TMEM126B: variants seen among roughly 807,000 people sequenced by gnomAD.
TMEM126B encodes transmembrane protein 126B, also known as complex I assembly factor TMEM126B, mitochondrial.
In TMEM126B, 19 loss-of-function variants were observed where a neutral mutation model predicts 16.5. That is an observed-to-expected ratio of 1.15 (90% CI 0.80 to 1.69). TMEM126B has a LOEUF of 1.69. Among genes scored for constraint, TMEM126B ranks in the 40% most tolerant of loss-of-function variants. The pLI is 0.00. For synonymous variants in TMEM126B, 104 were observed against 93.2 expected (o/e 1.12, Z -0.67); for missense variants, 293 against 278.7 (o/e 1.05, Z -0.37).
At chr11:85,631,366 T>C in intron 1 of TMEM126B, 5 of 1,161,130 alleles carry the variant, frequency 4.3e-6, no homozygotes, top group Non-Finnish European at 5.4e-6. Flanking sequence ...CTTTCAGACC[T>C]TCAGTTTGCT....
intron 3 of TMEM126B, among the ~76,000 whole-genome samples, chr11:85,635,276 G>C (rs377092800): frequency 1.3e-5 from 2 of 152,224 alleles, no homozygotes; most frequent in South Asian, 2.1e-4. Context: ...GTTGAGCATG[G>C]TGGTGCAAGC....
rs894254396 is a variant in TMEM126B at position 85,628,726 on chromosome 11, TGCACCTTCAAA to T, written c.81+40_81+50del. 26 of 1,514,680 alleles carry T rather than the reference TGCACCTTCAAA, an allele frequency of 1.7e-5. No homozygotes were observed. In the East Asian group the frequency reaches 6.1e-4, roughly 36 times the overall value. 93.8% of individuals were successfully genotyped at this position (1,514,680 alleles called of 1,614,324 possible). A position where few individuals can be genotyped will look rare whatever the true frequency, so the allele number is the denominator to read the frequency against. On this transcript the variant is annotated intron_variant, in intron 1 of 4. Transcript: ENST00000358867. ...CCGAAGTGGTATGGGGGGTGATTTC[TGCACCTTCAAA>T]GTGTTGGCAGACTCTTCTAAGATGA...
At chr11:85,628,783 AAAGTT>A in intron 1 of TMEM126B, 95 bp downstream of exon 1, 2 of 1,318,090 alleles carry the variant, frequency 1.5e-6, no homozygotes, top group Non-Finnish European at 2.1e-6. Context: ...GGAGATTTGA[AAAGTT>A]AAAACAGCTC....
intron 1 of TMEM126B, 76 bp downstream of exon 1, chr11:85,628,764 AC>A: frequency 7.2e-7 from 1 of 1,391,080 alleles, no homozygotes; most frequent in South Asian, 1.2e-5. Context: ...CTAAGATGAT[AC>A]CTTTAAAGGA....
chr11:85,629,663 G>T lies in TMEM126B; in HGVS notation c.81+975G>T, dbSNP rs631392. ...TGGAGGATTTCAATGAATTGGATGA[G>T]AGCAAAACAAAAATTTATCTATGGT... On this transcript the variant is annotated intron_variant, in intron 1 of 4. Coordinates refer to ENST00000358867, the MANE Select transcript of TMEM126B (RefSeq NM_018480.7). Among the ~76,000 whole-genome samples the T allele has an allele frequency of 1.3e-3, 191 of 152,120 alleles. 3 individuals carry two copies. The highest frequency in any genetic ancestry group is 1.6e-3 in the Admixed American group (25 of 15,272).
At chr11:85,632,128 T>C (rs780445501) in intron 2 of TMEM126B, among the ~76,000 whole-genome samples, 3 of 152,248 alleles carry the variant, frequency 2.0e-5, no homozygotes, top group Admixed American at 2.0e-4. Flanking sequence ...GGGGGGTACT[T>C]ATATTTAATT....
At chr11:85,634,319 A>G in intron 3 of TMEM126B, 40 bp downstream of exon 3, 1 of 1,449,576 alleles carries the variant, frequency 6.9e-7, no homozygotes, top group Non-Finnish European at 9.5e-7. Context: ...AGTTATGTCT[A>G]AGTAAAGTTA....
chr11:85,628,622 G>C lies in TMEM126B; in HGVS notation c.15G>C (p.Gly5=), dbSNP rs369963998. 4.6e-6 allele frequency: 7 copies of C among 1,536,020 alleles called. No homozygotes were observed. In the Admixed American group the frequency reaches 9.8e-5, roughly 22 times the overall value. Residue 5 remains glycine (G), a synonymous_variant, in exon 1 of 5, where the codon GGG becomes GGC. Coordinates refer to ENST00000358867, the MANE Select transcript of TMEM126B (RefSeq NM_018480.7). MVVF[G]YEAGTKPRDS... The stretch of plus-strand genomic sequence containing the variant: ...GAGCCACCAAAATGGTGGTGTTCGG[G>C]TATGAGGCTGGGACTAAGCCAAGGG...
At chr11:85,631,198 T>C (rs1332103481) in intron 1 of TMEM126B, 18 of 1,290,262 alleles carry the variant, frequency 1.4e-5, no homozygotes, top group Non-Finnish European at 1.7e-5. Flanking sequence ...AAACTGAGGA[T>C]AGAGATGTCA....
chr11:85,632,794 A>AT (rs200770788), intron 2 of TMEM126B, among the ~76,000 whole-genome samples: 30 of 150,710 alleles, frequency 2.0e-4, no homozygotes, highest in Admixed American at 4.0e-4. Flanking sequence ...ATTCCCTTTT[A>AT]TTTTTTTTTA....
chr11:85,632,652 A>G (rs2082323952), intron 2 of TMEM126B, among the ~76,000 whole-genome samples: 1 of 152,010 alleles, frequency 6.6e-6, no homozygotes, highest in African/African-American at 2.4e-5. Flanking sequence ...TTATTGAAGT[A>G]TAATTTATAT....
At chr11:85,635,470 T>C (rs1295387403) in intron 3 of TMEM126B, among the ~76,000 whole-genome samples, 197 bp from the exon 4 acceptor site, 1 of 152,338 alleles carries the variant, frequency 6.6e-6, no homozygotes, top group East Asian at 1.9e-4. Flanking sequence ...TAATTCTCTA[T>C]GTGATAAAGT....
At chr11:85,629,752 T>C (rs747536022) in intron 1 of TMEM126B, among the ~76,000 whole-genome samples, 3 of 152,224 alleles carry the variant, frequency 2.0e-5, no homozygotes, top group Non-Finnish European at 4.4e-5. Context: ...ATAGATGGGT[T>C]AGGTATAGAA....
At position 85,636,504 on chromosome 11, in the gene TMEM126B, A is replaced by G. The variant is rs1389914367; in HGVS notation, c.*275A>G. 9.9e-6 allele frequency: 2 copies of G among 201,442 alleles called. No individual in the cohort carries two copies. Among genetic ancestry groups the G allele is most frequent in the Admixed American group, 5.7e-5 (1 of 17,510 alleles). The allele number at this position is 201,442 out of a possible 1,614,324, so 12.5% of individuals were successfully genotyped here. Reference sequence around the variant, plus strand: ...ATCCAGTGTCAATAAATGTAACAATAAAAGTTTCATCTTTCCTCTTTGTAT... The same window carrying G: ...ATCCAGTGTCAATAAATGTAACAATGAAAGTTTCATCTTTCCTCTTTGTAT... On this transcript the variant is annotated 3_prime_UTR_variant, in exon 5 of 5. Coordinates refer to ENST00000358867, the MANE Select transcript of TMEM126B (RefSeq NM_018480.7).
Position 85,636,317 on chromosome 11 carries a change from G to C in TMEM126B, c.*88G>C, listed in dbSNP as rs2082404617. 2 of 975,708 alleles carry C rather than the reference G, an allele frequency of 2.0e-6. No homozygotes were observed. The highest frequency in any genetic ancestry group is 5.5e-5 in the South Asian group (2 of 36,352). 60.4% of individuals were successfully genotyped at this position (975,708 alleles called of 1,614,324 possible). A position where few individuals can be genotyped will look rare whatever the true frequency, so the allele number is the denominator to read the frequency against. On this transcript the variant is annotated 3_prime_UTR_variant, in exon 5 of 5. Coordinates refer to ENST00000358867, the MANE Select transcript of TMEM126B (RefSeq NM_018480.7). ...TGCTGAAAGAGTTAAAAGTAACTGT[G>C]AACAAATAATTTGTTCTGTGCCTTT...
At chr11:85,631,830 A>C (rs1478104568) in intron 2 of TMEM126B, 22 bp downstream of exon 2, 1 of 1,579,604 alleles carries the variant, frequency 6.3e-7, no homozygotes, top group Non-Finnish European at 8.5e-7. Context: ...GCCCAGGCTG[A>C]AAATCAGTCA....
Position 85,628,900 on chromosome 11 carries a change from T to C in TMEM126B, c.81+212T>C, listed in dbSNP as rs189921778. 2.8e-4 allele frequency among the ~76,000 whole-genome samples: 42 copies of C among 152,322 alleles called. No homozygotes were observed. The Middle Eastern group carries it at 0.01, about 37-fold the overall frequency. ...ATTCTAGTCCTCATTATCTGCAGTT[T>C]GTTTTCTCTTGTCTCCAGGCCTTTG... On this transcript the variant is annotated intron_variant, in intron 1 of 4. Transcript: ENST00000358867.
intron 3 of TMEM126B, among the ~76,000 whole-genome samples, chr11:85,635,440 A>C (rs1436893732): frequency 6.6e-6 from 1 of 152,216 alleles, no homozygotes; most frequent in Non-Finnish European, 1.5e-5. Flanking sequence ...TGCTTCTACA[A>C]CAACCACATA....
intron 1 of TMEM126B, chr11:85,631,365 C>G: frequency 8.6e-7 from 1 of 1,159,160 alleles, no homozygotes; most frequent in African/African-American, 1.7e-5. Flanking sequence ...CCTTTCAGAC[C>G]TTCAGTTTGC....
Sources: gnomAD v4.1 joint callset for allele counts (sites outside exome capture counted in the v4.1 genomes callset) on GRCh38, gnomAD v4.1.1 for gene constraint, MANE v1.5 for transcripts, NCBI Gene and HGNC (gene_info 2026-07-23, HGNC 2026-07-21) for gene names.